RASGRP3: variants seen among roughly 807,000 people sequenced by gnomAD.
The protein encoded by RASGRP3 is RAS guanyl releasing protein 3, also known as ras guanyl-releasing protein 3.
A neutral mutation model predicts 82.7 loss-of-function variants in RASGRP3; 54 were observed. The ratio of observed to expected loss-of-function variants is 0.65; its 90% CI spans 0.52 to 0.82. The LOEUF (loss-of-function observed/expected upper bound fraction) is 0.82. Ranked by LOEUF, RASGRP3 falls within the 40% of genes least tolerant of loss-of-function variation. RASGRP3 has a pLI of 0.00. For synonymous variants in RASGRP3, 309 were observed against 300.5 expected (o/e 1.03, Z -0.29); for missense variants, 861 against 828.9 (o/e 1.04, Z -0.48).
chr2:33,488,829 G>T (rs188179201), intron 1 of RASGRP3, among the ~76,000 whole-genome samples: 77 of 152,282 alleles, frequency 5.1e-4, no homozygotes, highest in Admixed American at 5.0e-3. Flanking sequence ...TCATTCAAAT[G>T]TTTTTTGTTG....
rs1676919549 is a variant in RASGRP3 at position 33,563,498 on chromosome 2, A to ATT, written c.*762_*763dup. 1 of 152,222 alleles carries ATT rather than the reference A, an allele frequency of 6.6e-6. No individual in the cohort carries two copies. The highest frequency in any genetic ancestry group is 2.1e-4 in the South Asian group (1 of 4,830). The allele number at this position is 152,222 out of a possible 1,614,324, so 9.4% of individuals were successfully genotyped here. A position where few individuals can be genotyped will look rare whatever the true frequency, so the allele number is the denominator to read the frequency against. On this transcript the variant is annotated 3_prime_UTR_variant, in exon 18 of 18. Transcript: ENST00000403687. The stretch of plus-strand genomic sequence containing the variant: ...CTTACTTAAATAGCCATGGAAGAAA[A>ATT]TTATGCTTGTCCCTTCTGACTGGGT...
At chr2:33,451,043 G>A (rs1004702207) in intron 2 of RASGRP3, among the ~76,000 whole-genome samples, 28 of 150,940 alleles carry the variant, frequency 1.9e-4, no homozygotes, top group Middle Eastern at 3.2e-3. Context: ...GGGCTTCACC[G>A]TATTAGCCAG....
intron 1 of RASGRP3, among the ~76,000 whole-genome samples, chr2:33,486,646 T>C (rs1668422833): frequency 6.6e-6 from 1 of 152,220 alleles, no homozygotes; most frequent in African/African-American, 2.4e-5. Flanking sequence ...TTCCAAAATA[T>C]TCTGTGGGAA....
intron 2 of RASGRP3, among the ~76,000 whole-genome samples, chr2:33,461,550 T>G (rs1666367041): frequency 6.6e-6 from 1 of 152,258 alleles, no homozygotes; most frequent in Non-Finnish European, 1.5e-5. Context: ...AGTGCTGGGA[T>G]TGCAGGCGTG....
rs1330069068 is a variant in RASGRP3, at chr2:33,458,587, G to T, written c.-261+10644G>T. Among the ~76,000 whole-genome samples, 3 of 152,302 alleles carry T rather than the reference G, an allele frequency of 2.0e-5. No individual in the cohort carries two copies. In the East Asian group the frequency reaches 5.8e-4, roughly 29 times the overall value. On this transcript the variant is annotated intron_variant, in intron 2 of 18. Coordinates refer to the RASGRP3 transcript ENST00000402538. Reference sequence around the variant, plus strand: ...GGAGGAGTATAGCTGTAGACACTGGGTGCCCCTTGTCCCTGTTTAGATAGT... The same window carrying T: ...GGAGGAGTATAGCTGTAGACACTGGTTGCCCCTTGTCCCTGTTTAGATAGT...
chr2:33,547,230 G>C (rs1196117363), intron 13 of RASGRP3, among the ~76,000 whole-genome samples: 1 of 151,448 alleles, frequency 6.6e-6, no homozygotes, highest in South Asian at 2.1e-4. Flanking sequence ...ACAAAGAAGG[G>C]AATAAGAGAC....
At chr2:33,482,761 T>A (rs1425397392) in intron 1 of RASGRP3, 5 of 152,248 alleles carry the variant, frequency 3.3e-5, no homozygotes. Context: ...GCAGTGCATG[T>A]TGCCTGATGA....
At chr2:33,487,982 C>T (rs552150942) in intron 1 of RASGRP3, among the ~76,000 whole-genome samples, 1 of 152,142 alleles carries the variant, frequency 6.6e-6, no homozygotes, top group Non-Finnish European at 1.5e-5. Flanking sequence ...ATATTACCAA[C>T]TAGAGTTAGT....
intron 5 of RASGRP3, 139 bp from the exon 6 acceptor site, chr2:33,520,414 C>T (rs1251993390): frequency 8.8e-7 from 1 of 1,135,168 alleles, no homozygotes; most frequent in African/African-American, 1.6e-5. Flanking sequence ...GTTTTGGAGA[C>T]AGGAGATGGC....
At chr2:33,544,429 A>G (rs1674549178) in intron 13 of RASGRP3, among the ~76,000 whole-genome samples, 1 of 152,250 alleles carries the variant, frequency 6.6e-6, no homozygotes, top group African/African-American at 2.4e-5. Flanking sequence ...TGATAAAGAA[A>G]AAATATATTG....
At chr2:33,446,384 C>T (rs1008068165) in intron 1 of RASGRP3, among the ~76,000 whole-genome samples, 12 of 152,112 alleles carry the variant, frequency 7.9e-5, no homozygotes, top group African/African-American at 2.7e-4. Flanking sequence ...GTCTCGATCT[C>T]CTGACCTCAT....
At chr2:33,459,791 C>T (rs1459432457) in intron 2 of RASGRP3, among the ~76,000 whole-genome samples, 1 of 152,120 alleles carries the variant, frequency 6.6e-6, no homozygotes, top group Admixed American at 6.5e-5. Context: ...TCTGTCTTTC[C>T]AGAGAGACTG....
chr2:33,545,299 C>T (rs960949432), intron 13 of RASGRP3, among the ~76,000 whole-genome samples: 2 of 152,194 alleles, frequency 1.3e-5, no homozygotes, highest in Admixed American at 6.5e-5. Context: ...TGGAAAGTCT[C>T]AAAAAGATGT....
intron 1 of RASGRP3, among the ~76,000 whole-genome samples, chr2:33,496,019 T>C (rs1669274294): frequency 6.6e-6 from 1 of 152,180 alleles, no homozygotes; most frequent in Non-Finnish European, 1.5e-5. Flanking sequence ...AGGTTCAGAT[T>C]TGTACATTTG....
intron 2 of RASGRP3, among the ~76,000 whole-genome samples, chr2:33,513,474 T>A (rs1461418880): frequency 1.3e-5 from 2 of 152,264 alleles, no homozygotes; most frequent in South Asian, 2.1e-4. Flanking sequence ...CCTAACCAAG[T>A]TCCTGGCATA....
At chr2:33,551,765 G>C (rs188990651) in intron 14 of RASGRP3, among the ~76,000 whole-genome samples, 1 of 152,144 alleles carries the variant, frequency 6.6e-6, no homozygotes, top group Non-Finnish European at 1.5e-5. Context: ...AGGCCAAGGC[G>C]GGTGGATCAT....
intron 1 of RASGRP3, among the ~76,000 whole-genome samples, chr2:33,510,289 C>G (rs192689635): frequency 6.6e-6 from 1 of 151,954 alleles, no homozygotes; most frequent in Admixed American, 6.5e-5. Flanking sequence ...CATTTCAAAA[C>G]GATTTGTTGA....
chr2:33,458,266 A>T (rs965185589), intron 2 of RASGRP3: 1 of 152,204 alleles, frequency 6.6e-6, no homozygotes, highest in South Asian at 2.1e-4. Flanking sequence ...TAATCCTTTA[A>T]TGAGTAGCTT....
chr2:33,486,431 G>T (rs898332363), intron 1 of RASGRP3, among the ~76,000 whole-genome samples: 15 of 152,158 alleles, frequency 9.9e-5, no homozygotes, highest in African/African-American at 3.6e-4. Flanking sequence ...GCCTCCCAAA[G>T]TGTTGGGATT....
Sources: allele counts gnomAD v4.1 joint callset (sites outside exome capture counted in the v4.1 genomes callset), GRCh38; gene constraint gnomAD v4.1.1; transcripts MANE v1.5; gene names NCBI Gene and HGNC (gene_info 2026-07-23, HGNC 2026-07-21).